The following SYNPR variants were observed in gnomAD, a reference collection of about 807,000 sequenced individuals.
The protein encoded by SYNPR is synaptoporin.
A neutral mutation model predicts 32.9 loss-of-function variants in SYNPR; 23 were observed. The observed-to-expected ratio is 0.70, with a 90% CI of 0.50 to 0.99. The LOEUF is 0.99. SYNPR is among the 50% of genes least tolerant of loss of function. The probability of loss-of-function intolerance (pLI) is 0.00; values close to 1 mark genes in which losing one functional copy is unlikely to be tolerated. For synonymous variants in SYNPR, 146 were observed against 135.9 expected, an observed-to-expected ratio of 1.07 and a Z score of -0.52; for missense variants, 318 against 349.3, an observed-to-expected ratio of 0.91 and a Z score of 0.71.
At chr3:63,536,778 T>C (rs192453216) in intron 3 of SYNPR, among the ~76,000 whole-genome samples, 1 of 152,252 alleles carries the variant, frequency 6.6e-6, no homozygotes, top group East Asian at 1.9e-4. Flanking sequence ...TACAATGGAA[T>C]ATTATTTAGC....
intron 2 of SYNPR, among the ~76,000 whole-genome samples, chr3:63,255,692 T>C (rs950126145): frequency 6.6e-6 from 1 of 152,156 alleles, no homozygotes; most frequent in African/African-American, 2.4e-5. Context: ...ATGGGTGATT[T>C]CTGCATTCCC....
rs1299131746 is a variant in SYNPR at position 63,595,754 on chromosome 3, T to A, written c.409-13371T>A. On this transcript the variant is annotated intron_variant, in intron 4 of 5. Coordinates refer to ENST00000478300, the MANE Select transcript of SYNPR (RefSeq NM_001130003.2). ...ATATATATATATATATATATATATA[T>A]ATATATATATATATAATTTTATATA... Among the ~76,000 whole-genome samples, 60 of 32,806 alleles carry A rather than the reference T, an allele frequency of 1.8e-3. 1 individual carries two copies. Among genetic ancestry groups the A allele is most frequent in the African/African-American group, 6.6e-3 (30 of 4,512 alleles). 21.5% of individuals were successfully genotyped at this position (32,806 alleles called of 152,430 possible).
At chr3:63,526,297 T>C (rs901951591) in intron 3 of SYNPR, among the ~76,000 whole-genome samples, 1 of 152,156 alleles carries the variant, frequency 6.6e-6, no homozygotes, top group Admixed American at 6.5e-5. Context: ...CTTGCTGGAG[T>C]TGCCTAAGTA....
intron 2 of SYNPR, among the ~76,000 whole-genome samples, chr3:63,302,125 C>A (rs571721330): frequency 6.6e-6 from 1 of 152,150 alleles, no homozygotes; most frequent in East Asian, 1.9e-4. Flanking sequence ...TGAAATTTTA[C>A]CCCATCTTTC....
At chr3:63,304,556 G>A (rs187720203) in intron 2 of SYNPR, among the ~76,000 whole-genome samples, 97 of 152,016 alleles carry the variant, frequency 6.4e-4, no homozygotes, top group African/African-American at 2.0e-3. Context: ...AAAGATTTTT[G>A]TCTTTCTCCT....
At chr3:63,612,044 T>G (rs1700207018) in intron 5 of SYNPR, among the ~76,000 whole-genome samples, 1 of 152,216 alleles carries the variant, frequency 6.6e-6, no homozygotes, top group African/African-American at 2.4e-5. Flanking sequence ...ATTTACTATC[T>G]TCAAAGCACT....
At chr3:63,485,559 T>C (rs562316504) in intron 3 of SYNPR, among the ~76,000 whole-genome samples, 2 of 152,046 alleles carry the variant, frequency 1.3e-5, no homozygotes, top group African/African-American at 2.4e-5. Flanking sequence ...GAATGGAAAA[T>C]AGAATTCAGT....
chr3:63,563,926 G>T (rs554764971), intron 4 of SYNPR, among the ~76,000 whole-genome samples: 2 of 150,294 alleles, frequency 1.3e-5, no homozygotes, highest in African/African-American at 4.9e-5. Context: ...AATATTTACT[G>T]CTAGAAAACT....
At chr3:63,458,191 T>C (rs1369265823) in intron 2 of SYNPR, among the ~76,000 whole-genome samples, 2 of 152,154 alleles carry the variant, frequency 1.3e-5, no homozygotes, top group Admixed American at 6.6e-5. Flanking sequence ...TTTACTTTCA[T>C]GGCACTCTTC....
intron 2 of SYNPR, among the ~76,000 whole-genome samples, chr3:63,391,403 G>A (rs1352951473): frequency 1.3e-5 from 2 of 152,148 alleles, no homozygotes; most frequent in Non-Finnish European, 2.9e-5. Context: ...CCTTTCCCTG[G>A]ATGAAGGAAT....
intron 2 of SYNPR, among the ~76,000 whole-genome samples, chr3:63,350,216 A>G (rs925763002): frequency 1.2e-5 from 1 of 86,244 alleles, no homozygotes; most frequent in Non-Finnish European, 2.9e-5. Flanking sequence ...ATTATTCTAC[A>G]CACACACACA....
chr3:63,423,303 G>A (rs531232791), intron 2 of SYNPR, among the ~76,000 whole-genome samples: 1 of 152,266 alleles, frequency 6.6e-6, no homozygotes, highest in East Asian at 1.9e-4. Context: ...TTGAGCGACT[G>A]TTATACAGCA....
At chr3:63,274,562 T>C (rs369474425), upstream of SYNPR, among the ~76,000 whole-genome samples, 35 of 152,338 alleles carry the variant, frequency 2.3e-4, 1 homozygote, top group South Asian at 7.2e-3. Flanking sequence ...ATTTAGCAAA[T>C]GTTGAGCTTT....
chr3:63,487,600 C>A (rs1701180530), intron 3 of SYNPR, among the ~76,000 whole-genome samples: 2 of 152,160 alleles, frequency 1.3e-5, no homozygotes, highest in African/African-American at 4.8e-5. Flanking sequence ...CTTCCCCAAC[C>A]CTGCCTCTGC....
chr3:63,255,112 A>G (rs1423090205), intron 2 of SYNPR, among the ~76,000 whole-genome samples: 1 of 152,160 alleles, frequency 6.6e-6, no homozygotes, highest in East Asian at 1.9e-4. Flanking sequence ...TGATAGTAGC[A>G]CACCTTCCCC....
At chr3:63,457,353 CT>C (rs896414551) in intron 2 of SYNPR, among the ~76,000 whole-genome samples, 5 of 151,898 alleles carry the variant, frequency 3.3e-5, no homozygotes, top group Non-Finnish European at 7.4e-5. Flanking sequence ...TATAATGATC[CT>C]TTTTTTATTT....
At chr3:63,226,636 TG>T (rs1293355486), upstream of SYNPR, among the ~76,000 whole-genome samples, 1 of 152,110 alleles carries the variant, frequency 6.6e-6, no homozygotes, top group Non-Finnish European at 1.5e-5. Flanking sequence ...CACTCATATG[TG>T]GGAGATAAAA....
intron 2 of SYNPR, among the ~76,000 whole-genome samples, chr3:63,398,228 G>C (rs979709143): frequency 6.6e-6 from 1 of 152,210 alleles, no homozygotes; most frequent in East Asian, 1.9e-4. Flanking sequence ...TAACTGCATA[G>C]ATAGAGCGTA....
chr3:63,222,373 T>C, the SYNPR span, among the ~76,000 whole-genome samples: 7 of 152,166 alleles, frequency 4.6e-5, no homozygotes, highest in Non-Finnish European at 8.8e-5. Flanking sequence ...AGAGTCTTAT[T>C]TCAAATTTTA....
Sources: gnomAD v4.1 joint callset for allele counts (sites outside exome capture counted in the v4.1 genomes callset) on GRCh38, gnomAD v4.1.1 for gene constraint, MANE v1.5 for transcripts, NCBI Gene and HGNC (gene_info 2026-07-23, HGNC 2026-07-21) for gene names.